The following CPXM2 variants were observed in gnomAD, a reference collection of about 807,000 sequenced individuals.
CPXM2 encodes the protein inactive carboxypeptidase-like protein X2.
CPXM2 carries 66 observed loss-of-function variants against 86.1 expected under a neutral mutation model. The ratio of observed to expected loss-of-function variants is 0.77; its 90% CI spans 0.63 to 0.94. CPXM2 has a LOEUF of 0.94. CPXM2 is among the 40% of genes least tolerant of loss of function. The pLI, the probability that CPXM2 is intolerant of heterozygous loss-of-function variation, is 0.00. For synonymous variants in CPXM2, 388 were observed against 400.2 expected (o/e 0.97, Z 0.36); for missense variants, 948 against 1,026.3 (o/e 0.92, Z 1.04).
chr10:123,777,782 G>C (rs148921340), intron 7 of CPXM2: 9 of 152,588 alleles, frequency 5.9e-5, no homozygotes, highest in Admixed American at 2.0e-4. Flanking sequence ...TGGCCAAGCA[G>C]ATGGCTCCCT....
chr10:123,816,863 C>T (rs7099848), intron 4 of CPXM2, among the ~76,000 whole-genome samples: 4,348 of 152,312 alleles, frequency 0.029, 199 homozygotes, highest in African/African-American at 0.099. Context: ...TGATCCATTA[C>T]ATTGATGACA....
intron 4 of CPXM2, among the ~76,000 whole-genome samples, chr10:123,813,491 G>C (rs1457270047): frequency 6.6e-6 from 1 of 152,112 alleles, no homozygotes; most frequent in Admixed American, 6.6e-5. Flanking sequence ...AACCTTTAGG[G>C]GTCCTTAAGC....
intron 13 of CPXM2, among the ~76,000 whole-genome samples, chr10:123,753,239 T>C (rs1393272252): frequency 2.0e-5 from 3 of 152,194 alleles, no homozygotes; most frequent in African/African-American, 7.2e-5. Flanking sequence ...CAGTCAGCCC[T>C]GTTTGCCTAG....
chr10:123,770,656 A>G (rs530090168), intron 8 of CPXM2, among the ~76,000 whole-genome samples: 2 of 152,262 alleles, frequency 1.3e-5, no homozygotes, highest in African/African-American at 4.8e-5. Context: ...GATTGGTCTC[A>G]GAGGTGGACG....
chr10:123,904,864 T>C (rs1945418480), intron 2 of CPXM2, among the ~76,000 whole-genome samples: 1 of 152,240 alleles, frequency 6.6e-6, no homozygotes, highest in Non-Finnish European at 1.5e-5. Context: ...CCAACCTCTG[T>C]GACCTCCCCA....
intron 3 of CPXM2, among the ~76,000 whole-genome samples, chr10:123,854,832 A>G (rs1848685724): frequency 6.6e-6 from 1 of 151,978 alleles, no homozygotes; most frequent in Admixed American, 6.6e-5. Context: ...TAGTGCTTCA[A>G]GGACACAACA....
chr10:123,927,806 C>T (rs555809246), intron 2 of CPXM2, among the ~76,000 whole-genome samples: 30 of 152,354 alleles, frequency 2.0e-4, no homozygotes, highest in African/African-American at 5.1e-4. Context: ...TTTCTTCCAA[C>T]ATTTGTGTGG....
At chr10:123,855,659 A>T (rs897786762) in intron 3 of CPXM2, among the ~76,000 whole-genome samples, 1 of 152,206 alleles carries the variant, frequency 6.6e-6, no homozygotes, top group Non-Finnish European at 1.5e-5. Flanking sequence ...AGTTGGTTCA[A>T]TGTTCTAAAA....
chr10:123,856,104 C>T (rs925393621), intron 3 of CPXM2, among the ~76,000 whole-genome samples: 5 of 152,196 alleles, frequency 3.3e-5, no homozygotes, highest in Admixed American at 6.5e-5. Context: ...CTGTTTCTTC[C>T]AAGCTCTGAT....
At chr10:123,861,471 G>A (rs912964168) in intron 3 of CPXM2, among the ~76,000 whole-genome samples, 11 of 152,146 alleles carry the variant, frequency 7.2e-5, no homozygotes, top group African/African-American at 2.7e-4. Context: ...GCTCTAATCC[G>A]CAGAACCTGT....
At chr10:123,771,143 C>T in intron 7 of CPXM2, 104 bp from the exon 8 acceptor site, 2 of 1,009,514 alleles carry the variant, frequency 2.0e-6, no homozygotes, top group Non-Finnish European at 3.0e-6. Flanking sequence ...CCACAGCCTC[C>T]CAAGCGCCCC....
At chr10:123,787,717 T>G (rs970635227) in intron 6 of CPXM2, among the ~76,000 whole-genome samples, 8 of 152,038 alleles carry the variant, frequency 5.3e-5, no homozygotes, top group Non-Finnish European at 1.2e-4. Flanking sequence ...AATGAGTAGG[T>G]GCTTGGCTGG....
intron 2 of CPXM2, among the ~76,000 whole-genome samples, chr10:123,900,035 T>C (rs557347257): frequency 1.9e-4 from 29 of 152,304 alleles, no homozygotes; most frequent in African/African-American, 6.7e-4. Context: ...ATACCTGCAA[T>C]GTCTAACAAA....
intron 4 of CPXM2, among the ~76,000 whole-genome samples, chr10:123,840,112 G>A (rs1848357552): frequency 6.6e-6 from 1 of 152,210 alleles, no homozygotes; most frequent in African/African-American, 2.4e-5. Context: ...ACAGTGGCCA[G>A]ACAGCTTAAC....
At chr10:123,770,237 G>A (rs1297764609) in intron 8 of CPXM2, among the ~76,000 whole-genome samples, 1 of 152,126 alleles carries the variant, frequency 6.6e-6, no homozygotes, top group Non-Finnish European at 1.5e-5. Flanking sequence ...TTGTGCCATT[G>A]CACTCCAGCC....
chr10:123,827,855 T>C (rs1270205476), intron 4 of CPXM2, among the ~76,000 whole-genome samples: 1 of 152,182 alleles, frequency 6.6e-6, no homozygotes, highest in Non-Finnish European at 1.5e-5. Context: ...GTAAGGGTTC[T>C]GTGGAACAGA....
intron 2 of CPXM2, among the ~76,000 whole-genome samples, chr10:123,912,427 A>T (rs1214485507): frequency 6.6e-6 from 1 of 152,150 alleles, no homozygotes; most frequent in Admixed American, 6.5e-5. Context: ...CCCAGGTCAC[A>T]TGAGAGAGGC....
chr10:123,769,576 T>C (rs1239113504), intron 8 of CPXM2: 1 of 152,050 alleles, frequency 6.6e-6, no homozygotes, highest in African/African-American at 2.4e-5. Context: ...AATGAGACCC[T>C]GTCTCAAAAA....
chr10:123,911,630 C>T (rs73368727), intron 2 of CPXM2, among the ~76,000 whole-genome samples: 16,665 of 151,868 alleles, frequency 0.11, 1,170 homozygotes, highest in East Asian at 0.21. Flanking sequence ...TGAGAGACTT[C>T]AGGAAACCTT....
Sources: gnomAD v4.1 joint callset for allele counts (sites outside exome capture counted in the v4.1 genomes callset) on GRCh38, gnomAD v4.1.1 for gene constraint, MANE v1.5 for transcripts, NCBI Gene and HGNC (gene_info 2026-07-23, HGNC 2026-07-21) for gene names.